Variants in LINGO2 observed in about 807,000 individuals in gnomAD.
LINGO2 encodes the protein leucine rich repeat and Ig domain containing 2, also known as leucine-rich repeat and immunoglobulin-like domain-containing nogo receptor-interacting protein 2.
LINGO2 carries 14 observed loss-of-function variants against 30.6 expected under a neutral mutation model. The observed-to-expected ratio is 0.46, with a 90% CI of 0.30 to 0.72. The LOEUF is 0.72. Ranked by LOEUF, LINGO2 falls within the 30% of genes least tolerant of loss-of-function variation. The pLI is 0.07. For synonymous variants in LINGO2, 317 were observed against 288.5 expected (o/e 1.10, Z -1.00); for missense variants, 729 against 751.7 (o/e 0.97, Z 0.35).
chr9:28,621,143 CA>C (rs1267523757), intron 1 of LINGO2, among the ~76,000 whole-genome samples: 2 of 151,792 alleles, frequency 1.3e-5, no homozygotes, highest in African/African-American at 4.8e-5. Flanking sequence ...CGACAATGCT[CA>C]AAACAAACAT....
the LINGO2 span, among the ~76,000 whole-genome samples, chr9:29,184,159 T>C: frequency 2.0e-5 from 3 of 152,142 alleles, no homozygotes; most frequent in African/African-American, 4.8e-5. Context: ...ATAAAAACTG[T>C]TTAAATGCCA....
chr9:28,618,431 T>C (rs1311602707), intron 1 of LINGO2, among the ~76,000 whole-genome samples: 1 of 152,154 alleles, frequency 6.6e-6, no homozygotes, highest in East Asian at 1.9e-4. Context: ...CTTGAATTAT[T>C]TCAAGAACTT....
chr9:28,776,447 T>C, the LINGO2 span, among the ~76,000 whole-genome samples: 2 of 152,202 alleles, frequency 1.3e-5, no homozygotes, highest in Non-Finnish European at 2.9e-5. Flanking sequence ...AAAAACTAAA[T>C]AATGAAAACT....
chr9:28,550,019 T>C (rs940742805), intron 1 of LINGO2, among the ~76,000 whole-genome samples: 1 of 151,946 alleles, frequency 6.6e-6, no homozygotes, highest in African/African-American at 2.4e-5. Context: ...CCATTCATTT[T>C]TAGATAATCC....
intron 4 of LINGO2, among the ~76,000 whole-genome samples, chr9:28,081,791 C>G (rs551858492): frequency 6.3e-4 from 96 of 152,150 alleles, no homozygotes; most frequent in African/African-American, 2.2e-3. Flanking sequence ...AACAGTCCAG[C>G]TGCATGTGTA....
chr9:28,989,939 C>T, the LINGO2 span, among the ~76,000 whole-genome samples: 8 of 152,250 alleles, frequency 5.3e-5, no homozygotes, highest in Admixed American at 1.3e-4. Context: ...GGAACAGCTC[C>T]GGTCTACAGC....
At chr9:29,038,309 T>C in the LINGO2 span, among the ~76,000 whole-genome samples, 1 of 152,116 alleles carries the variant, frequency 6.6e-6, no homozygotes, top group Non-Finnish European at 1.5e-5. Context: ...TTACTGATAA[T>C]TGACATTAGT....
the LINGO2 span, among the ~76,000 whole-genome samples, chr9:28,858,228 T>G: frequency 6.6e-6 from 1 of 152,032 alleles, no homozygotes; most frequent in Non-Finnish European, 1.5e-5. Context: ...ACTGATTTTA[T>G]GGTTATCTCT....
chr9:28,046,810 A>G (rs760360562), intron 4 of LINGO2, among the ~76,000 whole-genome samples: 1 of 152,172 alleles, frequency 6.6e-6, no homozygotes, highest in Non-Finnish European at 1.5e-5. Flanking sequence ...GGCCAAGAAC[A>G]CAACATTGTT....
intron 4 of LINGO2, among the ~76,000 whole-genome samples, chr9:28,072,314 C>T (rs1275520977): frequency 6.6e-6 from 1 of 152,194 alleles, no homozygotes; most frequent in Middle Eastern, 3.2e-3. Flanking sequence ...TTTCAACCTT[C>T]TTTAGGGGTG....
intron 1 of LINGO2, among the ~76,000 whole-genome samples, chr9:28,479,355 A>G (rs924569974): frequency 1.7e-4 from 26 of 152,002 alleles, no homozygotes; most frequent in Non-Finnish European, 3.1e-4. Context: ...ATATTACAAA[A>G]GAGAACATAG....
chr9:28,270,173 C>T (rs1026109276), intron 4 of LINGO2, among the ~76,000 whole-genome samples: 3 of 152,124 alleles, frequency 2.0e-5, no homozygotes, highest in African/African-American at 7.2e-5. Flanking sequence ...TACGGTATCT[C>T]TCAGTTGTTC....
chr9:29,078,505 T>G, the LINGO2 span, among the ~76,000 whole-genome samples: 1 of 151,956 alleles, frequency 6.6e-6, no homozygotes, highest in South Asian at 2.1e-4. Flanking sequence ...GAATAAACCT[T>G]GAATAAACCT....
At chr9:28,035,503 A>T (rs1183980278) in intron 4 of LINGO2, among the ~76,000 whole-genome samples, 1 of 152,242 alleles carries the variant, frequency 6.6e-6, no homozygotes, top group African/African-American at 2.4e-5. Flanking sequence ...TTATTAACTG[A>T]AATGAAATAG....
intron 4 of LINGO2, among the ~76,000 whole-genome samples, chr9:28,046,491 G>A (rs1281860011): frequency 6.6e-6 from 1 of 152,142 alleles, no homozygotes; most frequent in South Asian, 2.1e-4. Context: ...TATAATTTAA[G>A]CCAACTTCCT....
chr9:28,627,410 C>T (rs62547108), intron 1 of LINGO2, among the ~76,000 whole-genome samples: 12,082 of 151,988 alleles, frequency 0.079, 668 homozygotes, highest in Admixed American at 0.2. Context: ...GAGTTCTTTC[C>T]TTACTTACCA....
intron 4 of LINGO2, among the ~76,000 whole-genome samples, chr9:28,118,183 C>T (rs1826990014): frequency 1.3e-5 from 2 of 152,074 alleles, no homozygotes; most frequent in Non-Finnish European, 2.9e-5. Context: ...CACTATGGCA[C>T]ATGTTTACCT....
intron 1 of LINGO2, among the ~76,000 whole-genome samples, chr9:28,571,277 T>C (rs536154259): frequency 2.0e-5 from 3 of 151,994 alleles, no homozygotes; most frequent in Non-Finnish European, 4.4e-5. Flanking sequence ...TGATAGAAAA[T>C]AAAAGTATAA....
At chr9:28,742,945 AGAAG>A in the LINGO2 span, among the ~76,000 whole-genome samples, 6 of 152,098 alleles carry the variant, frequency 3.9e-5, no homozygotes, top group East Asian at 7.7e-4. Context: ...AAAAGTCAAG[AGAAG>A]GAAGTAGAAG....
Sources: gnomAD v4.1 joint callset for allele counts (sites outside exome capture counted in the v4.1 genomes callset) on GRCh38, gnomAD v4.1.1 for gene constraint, MANE v1.5 for transcripts, NCBI Gene and HGNC (gene_info 2026-07-23, HGNC 2026-07-21) for gene names.